FGF12: variants seen among roughly 807,000 people sequenced by gnomAD.
The protein encoded by FGF12 is fibroblast growth factor 12B.
In FGF12, 14 loss-of-function variants were observed where a neutral mutation model predicts 23.6. The ratio of observed to expected loss-of-function variants is 0.59; its 90% CI spans 0.39 to 0.93. The LOEUF (loss-of-function observed/expected upper bound fraction) is 0.93, where lower values mean the gene tolerates loss of function less well. FGF12 is among the 40% of genes least tolerant of loss of function. The pLI, the probability that FGF12 is intolerant of heterozygous loss-of-function variation, is 0.00. For synonymous variants in FGF12, 62 were observed against 77.3 expected (o/e 0.80, Z 1.04); for missense variants, 175 against 217.8 (o/e 0.80, Z 1.24).
intron 2 of FGF12, among the ~76,000 whole-genome samples, chr3:192,597,727 T>C (rs1046984308): frequency 2.0e-5 from 3 of 152,222 alleles, no homozygotes; most frequent in African/African-American, 4.8e-5. Context: ...CTGCAAACAG[T>C]GCCCTGGCCA....
At chr3:192,425,119 C>T (rs1165369746) in intron 2 of FGF12, among the ~76,000 whole-genome samples, 1 of 152,198 alleles carries the variant, frequency 6.6e-6, no homozygotes, top group African/African-American at 2.4e-5. Flanking sequence ...TTTCCTTTTA[C>T]ATCCATCCCT....
intron 2 of FGF12, among the ~76,000 whole-genome samples, chr3:192,472,795 C>G (rs147645811): frequency 1.3e-5 from 2 of 152,262 alleles, no homozygotes; most frequent in Non-Finnish European, 2.9e-5. Flanking sequence ...TCGTTCCTAC[C>G]AGGGGTGTTA....
At chr3:192,527,382 C>T (rs935882952) in intron 2 of FGF12, among the ~76,000 whole-genome samples, 1 of 152,132 alleles carries the variant, frequency 6.6e-6, no homozygotes, top group Non-Finnish European at 1.5e-5. Context: ...CAGACAAAGA[C>T]CTGGGAGAAG....
chr3:192,642,288 A>G (rs1715834834), intron 2 of FGF12, among the ~76,000 whole-genome samples: 2 of 152,320 alleles, frequency 1.3e-5, no homozygotes, highest in South Asian at 4.1e-4. Context: ...GAGGGAAACC[A>G]GGCTCCGAGA....
chr3:192,343,538 T>C lies in FGF12; in HGVS notation c.125-8074A>G, dbSNP rs937114873. ...ATGAAATTAATATTTACTTCTGTTATTTATAATTTACTTAAGTCAATTATT... is the reference window on the plus strand; with the variant it reads ...ATGAAATTAATATTTACTTCTGTTACTTATAATTTACTTAAGTCAATTATT... On this transcript the variant is annotated intron_variant, in intron 3 of 5. Coordinates refer to ENST00000445105, the MANE Select transcript of FGF12 (RefSeq NM_004113.6). 2.6e-5 allele frequency among the ~76,000 whole-genome samples: 4 copies of C among 152,278 alleles called. No individual in the cohort carries two copies. In the South Asian group the frequency reaches 8.3e-4, roughly 32 times the overall value.
intron 2 of FGF12, among the ~76,000 whole-genome samples, chr3:192,663,351 T>C (rs1716739996): frequency 6.6e-6 from 1 of 152,174 alleles, no homozygotes; most frequent in African/African-American, 2.4e-5. Context: ...GTTCTGAAGG[T>C]CAAATGTAAT....
At chr3:192,507,392 C>A (rs1724347613) in intron 2 of FGF12, among the ~76,000 whole-genome samples, 1 of 150,514 alleles carries the variant, frequency 6.6e-6, no homozygotes, top group South Asian at 2.1e-4. Context: ...TACAAGCACA[C>A]AGACATTTTA....
intron 5 of FGF12, among the ~76,000 whole-genome samples, chr3:192,153,076 C>T: frequency 1.3e-5 from 1 of 74,280 alleles, no homozygotes; most frequent in African/African-American, 4.9e-5. Context: ...TAATGGCCTT[C>T]TTTGTCTCTT....
At chr3:192,652,301 T>A (rs114917879) in intron 2 of FGF12, among the ~76,000 whole-genome samples, 1 of 151,992 alleles carries the variant, frequency 6.6e-6, no homozygotes, top group Non-Finnish European at 1.5e-5. Context: ...AGTATTTCAA[T>A]AGGGAGCATA....
At chr3:192,592,625 T>G (rs1461552249) in intron 2 of FGF12, among the ~76,000 whole-genome samples, 2 of 151,868 alleles carry the variant, frequency 1.3e-5, no homozygotes, top group African/African-American at 4.8e-5. Flanking sequence ...CATAATATCA[T>G]GCAGGATGCA....
chr3:192,413,817 T>TG (rs1191570506), intron 2 of FGF12, among the ~76,000 whole-genome samples: 2 of 152,224 alleles, frequency 1.3e-5, no homozygotes, highest in Non-Finnish European at 2.9e-5. Context: ...ATGAGCTCAC[T>TG]GGGCTCTGCC....
intron 2 of FGF12, among the ~76,000 whole-genome samples, chr3:192,606,660 T>G (rs1044872369): frequency 3.9e-5 from 6 of 152,176 alleles, no homozygotes; most frequent in Non-Finnish European, 8.8e-5. Context: ...TCTTGTAACA[T>G]TGATATGGTT....
rs557112534 is a variant in FGF12, at chr3:192,521,992, A to AT, written c.14-161455dup. ...GGCGGGCGGATCACGAGGTCAGGAG[A>AT]TTGAGACCATCCTGGCTAACACAGT... On this transcript the variant is annotated intron_variant, in intron 2 of 5. Transcript: ENST00000445105. 1.5e-3 allele frequency among the ~76,000 whole-genome samples: 227 copies of AT among 152,234 alleles called. 1 individual carries two copies. The highest frequency in any genetic ancestry group is 4.4e-3 in the African/African-American group (182 of 41,542).
intron 2 of FGF12, among the ~76,000 whole-genome samples, chr3:192,404,358 A>C (rs1364038273): frequency 6.6e-6 from 1 of 152,192 alleles, no homozygotes; most frequent in African/African-American, 2.4e-5. Context: ...CAGAGATTCT[A>C]CAAACACCTT....
At chr3:192,382,966 G>GTT (rs1719882714) in intron 2 of FGF12, among the ~76,000 whole-genome samples, 2 of 152,120 alleles carry the variant, frequency 1.3e-5, no homozygotes, top group Non-Finnish European at 2.9e-5. Flanking sequence ...GTAACAACAC[G>GTT]GCCAGTCAAG....
At chr3:192,156,723 G>A (rs1714445359) in intron 5 of FGF12, among the ~76,000 whole-genome samples, 1 of 152,080 alleles carries the variant, frequency 6.6e-6, no homozygotes, top group Non-Finnish European at 1.5e-5. Context: ...CTCACCCCAG[G>A]ATATTTCTGA....
chr3:192,284,438 A>G (rs1235547814), intron 4 of FGF12, among the ~76,000 whole-genome samples: 9 of 152,124 alleles, frequency 5.9e-5, no homozygotes, highest in Admixed American at 5.9e-4. Context: ...GAAGTTTCCA[A>G]CACAAATGTA....
intron 4 of FGF12, among the ~76,000 whole-genome samples, chr3:192,201,710 T>C (rs1717375988): frequency 2.0e-5 from 3 of 152,202 alleles, no homozygotes; most frequent in South Asian, 4.1e-4. Context: ...TAACTTAAAA[T>C]CATATTTATT....
At chr3:192,478,839 C>A (rs1002792887) in intron 2 of FGF12, among the ~76,000 whole-genome samples, 4 of 152,296 alleles carry the variant, frequency 2.6e-5, no homozygotes, top group Non-Finnish European at 4.4e-5. Context: ...GAAACAGTTT[C>A]TCATATTCCA....
Sources: allele counts gnomAD v4.1 joint callset (sites outside exome capture counted in the v4.1 genomes callset), GRCh38; gene constraint gnomAD v4.1.1; transcripts MANE v1.5; gene names NCBI Gene and HGNC (gene_info 2026-07-23, HGNC 2026-07-21).